Variants in CARMIL1 observed in about 807,000 individuals in gnomAD.
The protein encoded by CARMIL1 is F-actin-uncapping protein LRRC16A.
Under a neutral mutation model 177.1 loss-of-function variants are expected in CARMIL1, and 90 were observed. That is an observed-to-expected ratio of 0.51 (90% CI 0.43 to 0.61). The LOEUF (loss-of-function observed/expected upper bound fraction) is 0.61, where lower values mean the gene tolerates loss of function less well. CARMIL1 is among the 20% of genes least tolerant of loss of function. CARMIL1 has a pLI of 0.00. For synonymous variants in CARMIL1, 577 were observed against 606.2 expected, an observed-to-expected ratio of 0.95 and a Z score of 0.71; for missense variants, 1,380 against 1,667.0, an observed-to-expected ratio of 0.83 and a Z score of 3.00.
At chr6:25,330,527 A>G (rs1490393962) in intron 2 of CARMIL1, among the ~76,000 whole-genome samples, 1 of 152,096 alleles carries the variant, frequency 6.6e-6, no homozygotes, top group Non-Finnish European at 1.5e-5. Flanking sequence ...ACCAAGTTAG[A>G]AAATCATTTT....
At chr6:25,586,592 A>C (rs9348686) in intron 31 of CARMIL1, among the ~76,000 whole-genome samples, 1 of 151,020 alleles carries the variant, frequency 6.6e-6, no homozygotes, top group Non-Finnish European at 1.5e-5. Flanking sequence ...ACTTTGGGAG[A>C]CCAAGGCAGG....
chr6:25,457,794 C>T (rs1799677076), intron 8 of CARMIL1, among the ~76,000 whole-genome samples: 1 of 152,178 alleles, frequency 6.6e-6, no homozygotes, highest in Non-Finnish European at 1.5e-5. Flanking sequence ...AGAGGGAAAT[C>T]TTCACTCCTG....
At chr6:25,324,348 AGTTT>A (rs1405343959) in intron 2 of CARMIL1, among the ~76,000 whole-genome samples, 4 of 97,064 alleles carry the variant, frequency 4.1e-5, no homozygotes, top group African/African-American at 1.6e-4. Context: ...AGATTCAACA[AGTTT>A]TTTTTTTTTT....
chr6:25,303,220 T>C (rs1009646193), intron 2 of CARMIL1, among the ~76,000 whole-genome samples: 1 of 152,124 alleles, frequency 6.6e-6, no homozygotes, highest in African/African-American at 2.4e-5. Flanking sequence ...ATTTCTTCCA[T>C]GTGATAAAAT....
chr6:25,469,945 TAAAG>T (rs1800957538), intron 9 of CARMIL1, among the ~76,000 whole-genome samples: 1 of 152,132 alleles, frequency 6.6e-6, no homozygotes, highest in Admixed American at 6.6e-5. Flanking sequence ...AAAACATTAA[TAAAG>T]AAAAAAATGC....
intron 6 of CARMIL1, 49 bp downstream of exon 6, chr6:25,450,044 CCCTGCCAGGAAGTTAAGTCTATT>C: frequency 1.4e-6 from 2 of 1,447,554 alleles, no homozygotes; most frequent in South Asian, 2.5e-5. Context: ...ATGGATATCC[CCCTGCCAGGAAGTTAAGTCTATT>C]CCTAGTGTGC....
intron 31 of CARMIL1, among the ~76,000 whole-genome samples, chr6:25,587,895 G>A (rs1238759737): frequency 5.9e-5 from 9 of 152,248 alleles, no homozygotes; most frequent in African/African-American, 2.2e-4. Context: ...ACAGAGAAAA[G>A]GGGGAAAACG....
rs199755479 is a variant in CARMIL1, at chr6:25,606,284, T to C, written c.3847+11T>C. The stretch of plus-strand genomic sequence containing the variant: ...CCGCCTCACGGCCTGGTAAGAGTTT[T>C]GCAGTTAGGGAGTTGCATTGTGACC... On this transcript the variant is annotated intron_variant, in intron 35 of 36. Coordinates refer to ENST00000329474, the MANE Select transcript of CARMIL1 (RefSeq NM_017640.6). 9 of 1,611,252 alleles carry C rather than the reference T, an allele frequency of 5.6e-6. No individual in the cohort carries two copies. The highest frequency in any genetic ancestry group is 6.8e-6 in the Non-Finnish European group (8 of 1,179,000).
chr6:25,598,239 C>CTAT (rs755140914), intron 32 of CARMIL1, among the ~76,000 whole-genome samples: 51 of 151,434 alleles, frequency 3.4e-4, no homozygotes, highest in African/African-American at 8.5e-4. Flanking sequence ...TCTTAAACTT[C>CTAT]TATTATTATT....
chr6:25,299,524 C>G (rs1369244603), intron 2 of CARMIL1, among the ~76,000 whole-genome samples: 1 of 151,988 alleles, frequency 6.6e-6, no homozygotes, highest in Non-Finnish European at 1.5e-5. Flanking sequence ...TTCTAACCAA[C>G]CTTGAGGTAT....
At chr6:25,364,657 G>A (rs556257822) in intron 2 of CARMIL1, among the ~76,000 whole-genome samples, 2 of 151,784 alleles carry the variant, frequency 1.3e-5, no homozygotes, top group Non-Finnish European at 2.9e-5. Context: ...TCCGTCTCCC[G>A]GGTTCAAATG....
chr6:25,345,848 C>T (rs1161332451), intron 2 of CARMIL1, among the ~76,000 whole-genome samples: 3 of 152,304 alleles, frequency 2.0e-5, no homozygotes, highest in Admixed American at 6.5e-5. Context: ...AACTCCTGAC[C>T]TCAAGTGATC....
chr6:25,488,126 A>G (rs530251603), intron 12 of CARMIL1, among the ~76,000 whole-genome samples: 26 of 152,232 alleles, frequency 1.7e-4, no homozygotes, highest in Non-Finnish European at 3.5e-4. Context: ...CACTAACTCA[A>G]GAATCACCTG....
intron 2 of CARMIL1, among the ~76,000 whole-genome samples, chr6:25,331,644 G>A (rs112526217): frequency 2.6e-5 from 4 of 152,300 alleles, no homozygotes; most frequent in African/African-American, 9.6e-5. Context: ...GACCCGTGAG[G>A]CATCCGTCCC....
At chr6:25,520,643 T>A (rs1238555764) in intron 23 of CARMIL1, among the ~76,000 whole-genome samples, 1 of 152,204 alleles carries the variant, frequency 6.6e-6, no homozygotes, top group Non-Finnish European at 1.5e-5. Flanking sequence ...TGTGTGGAAC[T>A]GAGTATCAGT....
chr6:25,459,274 T>TTCTTCC (rs1302680954), intron 8 of CARMIL1, among the ~76,000 whole-genome samples: 1 of 30,980 alleles, frequency 3.2e-5, no homozygotes, highest in Non-Finnish European at 7.6e-5. Flanking sequence ...TTCTTTTTTT[T>TTCTTCC]TTTTTTAAGA....
At chr6:25,561,871 T>C (rs1414134212) in intron 29 of CARMIL1, among the ~76,000 whole-genome samples, 1 of 152,188 alleles carries the variant, frequency 6.6e-6, no homozygotes, top group African/African-American at 2.4e-5. Context: ...CTTACTGATA[T>C]TACTTTTGAA....
intron 34 of CARMIL1, 118 bp downstream of exon 34, chr6:25,605,011 TG>T: frequency 1.3e-6 from 1 of 756,004 alleles, no homozygotes; most frequent in Non-Finnish European, 2.1e-6. Context: ...CTCTTTGTTG[TG>T]TGTTCTCAGC....
intron 3 of CARMIL1, among the ~76,000 whole-genome samples, chr6:25,424,604 A>G (rs1214860962): frequency 6.6e-6 from 1 of 152,236 alleles, no homozygotes; most frequent in African/African-American, 2.4e-5. Flanking sequence ...CAGTTATAGT[A>G]GCAAATGTTT....
Sources: allele counts gnomAD v4.1 joint callset (sites outside exome capture counted in the v4.1 genomes callset), GRCh38; gene constraint gnomAD v4.1.1; transcripts MANE v1.5; gene names NCBI Gene and HGNC (gene_info 2026-07-23, HGNC 2026-07-21).